Variants in NKAIN3 observed in about 807,000 individuals in gnomAD.
NKAIN3 encodes the protein sodium/potassium transporting ATPase interacting 3.
Under a neutral mutation model 30.2 loss-of-function variants are expected in NKAIN3, and 25 were observed. The ratio of observed to expected loss-of-function variants is 0.83; its 90% CI spans 0.60 to 1.16. The LOEUF is 1.16. NKAIN3 is among the 50% of genes most tolerant of loss of function. The pLI, the probability that NKAIN3 is intolerant of heterozygous loss-of-function variation, is 0.00. For synonymous variants in NKAIN3, 91 were observed against 89.6 expected (o/e 1.02, Z -0.09); for missense variants, 225 against 254.1 (o/e 0.89, Z 0.78).
intron 1 of NKAIN3, among the ~76,000 whole-genome samples, chr8:62,345,026 T>C (rs1815886365): frequency 6.6e-6 from 1 of 151,966 alleles, no homozygotes; most frequent in Non-Finnish European, 1.5e-5. Flanking sequence ...ACGTCTTCGA[T>C]TAAGTTTATT....
At chr8:62,786,270 A>G (rs1195945090) in intron 4 of NKAIN3, among the ~76,000 whole-genome samples, 1 of 152,110 alleles carries the variant, frequency 6.6e-6, no homozygotes, top group Non-Finnish European at 1.5e-5. Flanking sequence ...TGTGGAATAA[A>G]TAAATGACTA....
At chr8:62,926,334 C>A (rs960704566) in intron 5 of NKAIN3, among the ~76,000 whole-genome samples, 5 of 152,144 alleles carry the variant, frequency 3.3e-5, no homozygotes, top group Non-Finnish European at 7.3e-5. Context: ...TCCCAACAAC[C>A]CCCCTTCTCA....
intron 4 of NKAIN3, among the ~76,000 whole-genome samples, chr8:62,911,293 T>C (rs892585828): frequency 6.6e-6 from 1 of 152,208 alleles, no homozygotes; most frequent in African/African-American, 2.4e-5. Flanking sequence ...TATCTTTGCT[T>C]ACCTCTCACC....
rs963261360 is a variant in NKAIN3, at chr8:62,598,972, G to A, written c.273+9178G>A. ...TTTGCCACAGGAAGACAGGGTTCAA[G>A]ATTAGAGGTCTCACTGATTCCATAA... On this transcript the variant is annotated intron_variant, in intron 3 of 6. Transcript: ENST00000623646. 3.9e-5 allele frequency among the ~76,000 whole-genome samples: 6 copies of A among 152,118 alleles called. No homozygotes were observed. The South Asian group carries it at 1.2e-3, about 32-fold the overall frequency.
At chr8:62,284,891 T>G (rs751454515) in intron 1 of NKAIN3, among the ~76,000 whole-genome samples, 1 of 152,136 alleles carries the variant, frequency 6.6e-6, no homozygotes, top group Non-Finnish European at 1.5e-5. Flanking sequence ...GGCATCTGAG[T>G]TCAGTGGTTC....
rs553027610 is a variant in NKAIN3 at position 62,248,986 on chromosome 8, G to C, written c.-88G>C. 3.6e-5 allele frequency: 46 copies of C among 1,262,680 alleles called. No individual in the cohort carries two copies. In the African/African-American group the frequency reaches 5.9e-4, roughly 16 times the overall value. 78.2% of individuals were successfully genotyped at this position (1,262,680 alleles called of 1,614,324 possible). On this transcript the variant is annotated 5_prime_UTR_variant, in exon 1 of 7. Coordinates refer to ENST00000623646, the MANE Select transcript of NKAIN3 (RefSeq NM_001304533.3). ...GGGGCCGAGGAGCCTGGGCCGGGCC[G>C]GGCGGGGACTACTCCGGAGTCAGGA...
chr8:62,934,355 A>G (rs1327122713), intron 5 of NKAIN3, among the ~76,000 whole-genome samples: 1 of 143,910 alleles, frequency 6.9e-6, no homozygotes, highest in Non-Finnish European at 1.5e-5. Flanking sequence ...TCCAGCCTGG[A>G]CAACAAAGCA....
At chr8:62,503,431 C>T (rs1027619005) in intron 1 of NKAIN3, among the ~76,000 whole-genome samples, 4 of 152,096 alleles carry the variant, frequency 2.6e-5, no homozygotes, top group South Asian at 2.1e-4. Context: ...CTATGTTCAG[C>T]GGTGCACATA....
chr8:62,478,890 A>G (rs977097300), intron 1 of NKAIN3, among the ~76,000 whole-genome samples: 1 of 152,140 alleles, frequency 6.6e-6, no homozygotes, highest in African/African-American at 2.4e-5. Context: ...TGTGCTGGGT[A>G]TGACATTTTG....
At chr8:62,737,927 T>G (rs1228961224) in intron 3 of NKAIN3, among the ~76,000 whole-genome samples, 1 of 152,194 alleles carries the variant, frequency 6.6e-6, no homozygotes, top group African/African-American at 2.4e-5. Context: ...GATGGGCATT[T>G]GGGTTGGTTC....
At chr8:62,282,880 C>G (rs1267315408) in intron 1 of NKAIN3, among the ~76,000 whole-genome samples, 1 of 152,264 alleles carries the variant, frequency 6.6e-6, no homozygotes, top group East Asian at 1.9e-4. Context: ...TCTGTCTTTA[C>G]AACCCTCTTC....
intron 1 of NKAIN3, among the ~76,000 whole-genome samples, chr8:62,284,056 T>G (rs1438734810): frequency 1.3e-5 from 2 of 152,170 alleles, no homozygotes; most frequent in Non-Finnish European, 2.9e-5. Flanking sequence ...CCACTTTTCC[T>G]TTTTGAGACC....
At chr8:62,521,834 A>G (rs1166341557) in intron 1 of NKAIN3, among the ~76,000 whole-genome samples, 1 of 152,280 alleles carries the variant, frequency 6.6e-6, no homozygotes, top group East Asian at 1.9e-4. Flanking sequence ...TTTTTCCTGG[A>G]TAAGATTTAG....
At chr8:62,637,002 A>C (rs1281943503) in intron 3 of NKAIN3, among the ~76,000 whole-genome samples, 1 of 152,090 alleles carries the variant, frequency 6.6e-6, no homozygotes, top group African/African-American at 2.4e-5. Context: ...TTTCCATTTC[A>C]CATGTATAAC....
Position 62,745,803 on chromosome 8 carries a change from C to A in NKAIN3, c.274-1129C>A, listed in dbSNP as rs145308446. Among the ~76,000 whole-genome samples, 56 of 152,250 alleles carry A rather than the reference C, an allele frequency of 3.7e-4. No homozygotes were observed. The East Asian group carries it at 9.1e-3, about 25-fold the overall frequency. On this transcript the variant is annotated intron_variant, in intron 3 of 6. Transcript: ENST00000623646. ...AACTGAGGAGGAAGGACCTGGCTGT[C>A]TTCAGAGTATAAGGAATGATCAGGG...
intron 1 of NKAIN3, among the ~76,000 whole-genome samples, chr8:62,552,213 A>AT (rs1395356563): frequency 6.6e-6 from 1 of 152,146 alleles, no homozygotes; most frequent in African/African-American, 2.4e-5. Context: ...CTCATTTCTC[A>AT]TTTATTTTAA....
intron 3 of NKAIN3, among the ~76,000 whole-genome samples, chr8:62,712,776 T>G (rs980029868): frequency 4.6e-5 from 7 of 152,088 alleles, no homozygotes; most frequent in Non-Finnish European, 7.4e-5. Context: ...ATTACAAAGC[T>G]CAACTAGAGA....
intron 4 of NKAIN3, among the ~76,000 whole-genome samples, chr8:62,823,478 C>A (rs753869159): frequency 2.6e-5 from 4 of 152,080 alleles, no homozygotes; most frequent in Non-Finnish European, 4.4e-5. Context: ...ATAGCAAAGT[C>A]AAATACAGTA....
intron 4 of NKAIN3, among the ~76,000 whole-genome samples, chr8:62,789,253 C>G (rs1817627023): frequency 6.6e-6 from 1 of 152,026 alleles, no homozygotes; most frequent in Non-Finnish European, 1.5e-5. Flanking sequence ...CTTCACATCC[C>G]TTGTAAGTTG....
Sources: allele counts gnomAD v4.1 joint callset (sites outside exome capture counted in the v4.1 genomes callset), GRCh38; gene constraint gnomAD v4.1.1; transcripts MANE v1.5; gene names NCBI Gene and HGNC (gene_info 2026-07-23, HGNC 2026-07-21).